Variants in RFTN2 observed in about 807,000 individuals in gnomAD.
RFTN2 encodes the protein raftlin family member 2, also known as raftlin-2.
A neutral mutation model predicts 52.7 loss-of-function variants in RFTN2; 34 were observed. The ratio of observed to expected loss-of-function variants is 0.64; its 90% CI spans 0.49 to 0.86. The LOEUF is 0.86. Ranked by LOEUF, RFTN2 falls within the 40% of genes least tolerant of loss-of-function variation. The pLI, the probability that RFTN2 is intolerant of heterozygous loss-of-function variation, is 0.00. For missense variants in RFTN2, 536 were observed against 600.1 expected, an observed-to-expected ratio of 0.89 and a Z score of 1.12; for synonymous variants, 203 against 217.7, an observed-to-expected ratio of 0.93 and a Z score of 0.59.
At chr2:197,649,061 A>C (rs181783536) in intron 1 of RFTN2, among the ~76,000 whole-genome samples, 2 of 152,348 alleles carry the variant, frequency 1.3e-5, no homozygotes, top group East Asian at 3.9e-4. Context: ...GAATTAAGAA[A>C]TGAAGTTATT....
At chr2:197,624,495 G>C (rs539983747) in intron 5 of RFTN2, among the ~76,000 whole-genome samples, 2 of 149,698 alleles carry the variant, frequency 1.3e-5, no homozygotes, top group South Asian at 4.2e-4. Context: ...CTACTCGGGA[G>C]ACTGAGGCAG....
intron 3 of RFTN2, 144 bp downstream of exon 3, chr2:197,644,014 C>A: frequency 1.6e-6 from 1 of 623,148 alleles, no homozygotes; most frequent in Non-Finnish European, 2.9e-6. Context: ...TACCATTTGG[C>A]ACAAGTACTT....
rs2087483624 is a variant in RFTN2 at position 197,580,218 on chromosome 2, A to C, written c.1234-7938T>G. Among the ~76,000 whole-genome samples, 2 of 152,126 alleles carry C rather than the reference A, an allele frequency of 1.3e-5. 1 individual carries two copies. Among genetic ancestry groups the C allele is most frequent in the African/African-American group, 4.8e-5 (2 of 41,420 alleles). ...TTCTGGTCCTCAAACCCCACAACAG[A>C]ACTTTATTAACCTCGCCTTCAAGGT... On this transcript the variant is annotated intron_variant, in intron 8 of 8. Transcript: ENST00000295049.
chr2:197,671,260 C>T (rs530598156), intron 1 of RFTN2, among the ~76,000 whole-genome samples: 15 of 152,344 alleles, frequency 9.8e-5, no homozygotes, highest in Non-Finnish European at 2.1e-4. Flanking sequence ...CTGCTCTGTT[C>T]ACCAGCCCTT....
intron 8 of RFTN2, among the ~76,000 whole-genome samples, chr2:197,586,552 C>T (rs1404775413): frequency 6.6e-6 from 1 of 152,192 alleles, no homozygotes; most frequent in East Asian, 1.9e-4. Flanking sequence ...ATTCAATTTG[C>T]AAATGGGACG....
At chr2:197,655,668 A>C (rs1030781641) in intron 1 of RFTN2, among the ~76,000 whole-genome samples, 6 of 152,168 alleles carry the variant, frequency 3.9e-5, no homozygotes, top group Non-Finnish European at 8.8e-5. Context: ...TACTAAAAAT[A>C]CAAAAATTAG....
intron 5 of RFTN2, among the ~76,000 whole-genome samples, chr2:197,624,458 C>T (rs749714402): frequency 1.3e-5 from 2 of 151,640 alleles, no homozygotes; most frequent in East Asian, 2.0e-4. Flanking sequence ...ATTAGCCGGG[C>T]GTGGTGGCGT....
At chr2:197,603,946 A>C (rs1559345773) in intron 7 of RFTN2, among the ~76,000 whole-genome samples, 1 of 151,976 alleles carries the variant, frequency 6.6e-6, no homozygotes, top group Non-Finnish European at 1.5e-5. Flanking sequence ...AAAACAAAAA[A>C]CAAAAAAACA....
chr2:197,575,831 A>G (rs867574994), intron 8 of RFTN2, among the ~76,000 whole-genome samples: 1 of 60,504 alleles, frequency 1.7e-5, no homozygotes, highest in Non-Finnish European at 3.7e-5. Flanking sequence ...TTCTATATAT[A>G]ATATATTATA....
chr2:197,602,989 A>G (rs2087902899), intron 7 of RFTN2, among the ~76,000 whole-genome samples: 1 of 151,946 alleles, frequency 6.6e-6, no homozygotes, highest in Non-Finnish European at 1.5e-5. Flanking sequence ...AACCAAACAT[A>G]GCATGTTCTC....
intron 8 of RFTN2, among the ~76,000 whole-genome samples, chr2:197,583,773 C>T (rs892133972): frequency 8.6e-5 from 13 of 151,996 alleles, no homozygotes; most frequent in Admixed American, 2.0e-4. Context: ...TGCTATCCCT[C>T]CCCACTCCCC....
chr2:197,576,267 A>T (rs1203996908), intron 8 of RFTN2, among the ~76,000 whole-genome samples: 1 of 151,950 alleles, frequency 6.6e-6, no homozygotes, highest in African/African-American at 2.4e-5. Flanking sequence ...CTGCCTCCCA[A>T]AGTGCTGGGA....
chr2:197,667,198 C>T (rs973055761), intron 1 of RFTN2, among the ~76,000 whole-genome samples: 1 of 152,122 alleles, frequency 6.6e-6, no homozygotes, highest in Non-Finnish European at 1.5e-5. Context: ...GTTGGCCAGG[C>T]TGGTCTCAAA....
chr2:197,672,612 C>A (rs1347325159), intron 1 of RFTN2, among the ~76,000 whole-genome samples: 1 of 152,166 alleles, frequency 6.6e-6, no homozygotes, highest in South Asian at 2.1e-4. Context: ...AGTAGATCAT[C>A]TTATATTAGG....
At chr2:197,596,146 T>C in intron 7 of RFTN2, 77 bp from the exon 8 acceptor site, 1 of 732,504 alleles carries the variant, frequency 1.4e-6, no homozygotes, top group Non-Finnish European at 2.2e-6. Context: ...GAACATTCCA[T>C]ATGTAGTTTT....
chr2:197,635,794 A>G (rs1348269610), intron 3 of RFTN2, among the ~76,000 whole-genome samples: 27 of 143,770 alleles, frequency 1.9e-4, no homozygotes, highest in African/African-American at 5.9e-4. Context: ...TTGGTGTTTT[A>G]GACATGAAGT....
Position 197,618,632 on chromosome 2 carries a change from G to A in RFTN2, c.929-711C>T, listed in dbSNP as rs1208193536. 2.0e-5 allele frequency among the ~76,000 whole-genome samples: 3 copies of A among 151,396 alleles called. No individual in the cohort carries two copies. In the East Asian group the frequency reaches 5.9e-4, roughly 30 times the overall value. On this transcript the variant is annotated intron_variant, in intron 5 of 8. Transcript: ENST00000295049. ...CTCTGCCCGGCCACCATCCCATCTA[G>A]GAAGTGAGGAGCGCCTCTTCCCGGC...
intron 6 of RFTN2, 106 bp downstream of exon 6, chr2:197,617,694 C>T (rs1414150288): frequency 1.4e-5 from 6 of 426,646 alleles, no homozygotes; most frequent in Non-Finnish European, 2.0e-5. Context: ...AAAACAAAAA[C>T]AAAAACAAAC....
In RFTN2 at chr2:197,633,765, A is replaced by G. The variant is rs1299557617; in HGVS notation, c.671T>C (p.Met224Thr). The change falls in exon 4 of 9, where the codon ATG (methionine) becomes ACG (threonine). Residue 224 changes from methionine to threonine, a missense_variant. Transcript: ENST00000295049. ...GGAAGTAGGGCTGCCATTTTGTTCC[A>G]TTTGATACTGTCCACTTTCATGATG... ...ELHHESGQYQ[M>T]EQNGSPTSSK... is the part of the protein sequence containing the mutation. 1.9e-6 allele frequency: 3 copies of G among 1,613,838 alleles called. No individual in the cohort carries two copies. The highest frequency in any genetic ancestry group is 1.1e-5 in the South Asian group (1 of 91,070).
Sources: gnomAD v4.1 joint callset for allele counts (sites outside exome capture counted in the v4.1 genomes callset) on GRCh38, gnomAD v4.1.1 for gene constraint, MANE v1.5 for transcripts, NCBI Gene and HGNC (gene_info 2026-07-23, HGNC 2026-07-21) for gene names.